The following AK5 variants were observed in gnomAD, a reference collection of about 807,000 sequenced individuals.
The protein encoded by AK5 is adenylate kinase isoenzyme 5.
In AK5, 27 loss-of-function variants were observed where a neutral mutation model predicts 69.5. The observed-to-expected ratio is 0.39, with a 90% CI of 0.29 to 0.54. The LOEUF (loss-of-function observed/expected upper bound fraction) is 0.54, where lower values mean the gene tolerates loss of function less well. Ranked by LOEUF, AK5 falls within the 20% of genes least tolerant of loss-of-function variation. AK5 has a pLI of 0.71. For synonymous variants in AK5, 260 were observed against 244.4 expected, an observed-to-expected ratio of 1.06 and a Z score of -0.60; for missense variants, 531 against 700.4, an observed-to-expected ratio of 0.76 and a Z score of 2.73.
intron 6 of AK5, among the ~76,000 whole-genome samples, chr1:77,378,875 T>C (rs1238643517): frequency 6.6e-6 from 1 of 152,150 alleles, no homozygotes; most frequent in Non-Finnish European, 1.5e-5. Flanking sequence ...GCCGTCAGTC[T>C]GAATAGAAAA....
intron 5 of AK5, among the ~76,000 whole-genome samples, chr1:77,339,960 T>C (rs1661566381): frequency 6.6e-6 from 1 of 152,062 alleles, no homozygotes; most frequent in Admixed American, 6.6e-5. Flanking sequence ...TGGCATACAG[T>C]AGATAATTTT....
In AK5 at chr1:77,293,977, C is replaced by G. The variant is rs746648587; in HGVS notation, c.415+17C>G. ...TTGTTATAGGTATGAGGACAGAAAG[C>G]AAAAATTCTCATACCGTTGCTGCCT... On this transcript the variant is annotated intron_variant, in intron 3 of 13. Coordinates refer to ENST00000354567, the MANE Select transcript of AK5 (RefSeq NM_174858.3). 5.6e-6 allele frequency: 9 copies of G among 1,596,240 alleles called. No individual in the cohort carries two copies. In the South Asian group the frequency reaches 1.0e-4, roughly 19 times the overall value.
chr1:77,423,095 C>T (rs1443175774), intron 8 of AK5, among the ~76,000 whole-genome samples: 1 of 151,898 alleles, frequency 6.6e-6, no homozygotes, highest in Non-Finnish European at 1.5e-5. Context: ...GTGGTGGGCA[C>T]CTGTAGTCCC....
At chr1:77,303,626 A>T (rs1670611) in intron 5 of AK5, among the ~76,000 whole-genome samples, 134,763 of 152,288 alleles carry the variant, frequency 0.88, 59,984 homozygotes, top group Middle Eastern at 0.97. Context: ...AAGTGAGAGT[A>T]AAAAAGGCAC....
chr1:77,545,600 A>AT (rs1049663528), intron 13 of AK5, among the ~76,000 whole-genome samples: 5 of 152,158 alleles, frequency 3.3e-5, no homozygotes, highest in South Asian at 2.1e-4. Flanking sequence ...GCAAAGGCTG[A>AT]TTTTTTTTAA....
intron 13 of AK5, 125 bp from the exon 14 acceptor site, chr1:77,558,477 T>TGA (rs1553164077): frequency 9.7e-6 from 5 of 513,232 alleles, no homozygotes; most frequent in South Asian, 7.7e-5. Context: ...CTCTGTGTTT[T>TGA]GGGGGGGGTC....
intron 8 of AK5, among the ~76,000 whole-genome samples, chr1:77,438,307 A>G (rs956085245): frequency 6.9e-5 from 10 of 144,272 alleles, no homozygotes; most frequent in African/African-American, 2.0e-4. Flanking sequence ...AAAAAAAAAA[A>G]AAAAAAAAAA....
chr1:77,391,390 A>AATATATATATATAT (rs35685699), intron 6 of AK5, among the ~76,000 whole-genome samples: 2 of 141,660 alleles, frequency 1.4e-5, no homozygotes, highest in Admixed American at 1.4e-4. Context: ...CAAAAAAAAA[A>AATATATATATATAT]ATATATATAT....
chr1:77,413,435 C>G (rs890025154), intron 7 of AK5, among the ~76,000 whole-genome samples: 12 of 152,256 alleles, frequency 7.9e-5, no homozygotes, highest in Middle Eastern at 3.4e-3. Context: ...CACCCTGTGA[C>G]CCACAGGTGT....
rs956168516 is a variant in AK5 at position 77,559,404 on chromosome 1, T to TCTC, written c.*735_*737dup. The TCTC allele has an allele frequency of 7.2e-5, 11 of 152,290 alleles. No individual in the cohort carries two copies. Among genetic ancestry groups the TCTC allele is most frequent in the South Asian group, 2.1e-4 (1 of 4,824 alleles). 9.4% of individuals were successfully genotyped at this position (152,290 alleles called of 1,614,324 possible). On this transcript the variant is annotated 3_prime_UTR_variant, in exon 14 of 14. Coordinates refer to ENST00000354567, the MANE Select transcript of AK5 (RefSeq NM_174858.3). ...AAATCTGATAAATTGTGTAACCTAG[T>TCTC]CTCTTCTCTACATGGTGATGCATTT...
rs181241231 is a variant in AK5, at chr1:77,519,946, G to T, written c.1311+1219G>T. On this transcript the variant is annotated intron_variant, in intron 11 of 13. Coordinates refer to ENST00000354567, the MANE Select transcript of AK5 (RefSeq NM_174858.3). ...TGGCAGGGCGCAGTGGCTCATGCCTGTAATCCCAGCACTTTGGGAGGCCGA... is the reference window on the plus strand; with the variant it reads ...TGGCAGGGCGCAGTGGCTCATGCCTTTAATCCCAGCACTTTGGGAGGCCGA... Among the ~76,000 whole-genome samples the T allele has an allele frequency of 1.5e-3, 227 of 152,316 alleles. 1 individual carries two copies. Among genetic ancestry groups the T allele is most frequent in the African/African-American group, 5.3e-3 (219 of 41,572 alleles).
chr1:77,330,247 T>C (rs923284338), intron 5 of AK5, among the ~76,000 whole-genome samples: 1 of 152,218 alleles, frequency 6.6e-6, no homozygotes, highest in Admixed American at 6.5e-5. Flanking sequence ...TAAAGCAATC[T>C]ATTTTATCAA....
chr1:77,372,695 G>A (rs529399877), intron 6 of AK5, among the ~76,000 whole-genome samples: 1 of 152,228 alleles, frequency 6.6e-6, no homozygotes, highest in South Asian at 2.1e-4. Context: ...AAGAGACTGG[G>A]AAGTCTTGTA....
chr1:77,500,763 C>T (rs1365306471), intron 10 of AK5, among the ~76,000 whole-genome samples: 1 of 152,158 alleles, frequency 6.6e-6, no homozygotes, highest in African/African-American at 2.4e-5. Context: ...GCCTGGGCAA[C>T]AGAGCGAGAC....
chr1:77,364,301 A>C (rs551970255), intron 6 of AK5, among the ~76,000 whole-genome samples: 1 of 152,312 alleles, frequency 6.6e-6, no homozygotes, highest in Non-Finnish European at 1.5e-5. Context: ...ATTTCAGTAC[A>C]TGTAAGGTGC....
rs574080973 is a variant in AK5 at position 77,335,782 on chromosome 1, C to T, written c.700-4595C>T. On this transcript the variant is annotated intron_variant, in intron 5 of 13. Transcript: ENST00000354567. ...TTTTGTATTTTAATCTTTTTTACTC[C>T]CAGTCATATGTTATTTATCTATTTA... 1.9e-4 allele frequency among the ~76,000 whole-genome samples: 29 copies of T among 152,094 alleles called. No homozygotes were observed. In the South Asian group the frequency reaches 5.2e-3, roughly 27 times the overall value.
chr1:77,395,179 G>A (rs1017766596), intron 6 of AK5, among the ~76,000 whole-genome samples: 1 of 152,116 alleles, frequency 6.6e-6, no homozygotes, highest in East Asian at 1.9e-4. Flanking sequence ...CCTGCAAAAT[G>A]TGATAAACTT....
intron 10 of AK5, among the ~76,000 whole-genome samples, chr1:77,495,566 A>G (rs1457595656): frequency 2.6e-5 from 4 of 152,230 alleles, no homozygotes; most frequent in African/African-American, 9.6e-5. Flanking sequence ...ACCATCACTG[A>G]AAGTACAGTG....
At position 77,536,033 on chromosome 1, in the gene AK5, C is replaced by T. The variant is rs1286991790; in HGVS notation, c.1615C>T (p.His539Tyr). The change falls in exon 13 of 14, where the codon CAC becomes TAC. Residue 539 changes from histidine to tyrosine, a missense_variant. Transcript: ENST00000354567. ...IAYYETKTQL[H>Y]KINAEGTPED... ...CTACTACGAGACAAAAACACAGCTA[C>T]ACAAGGCGAGTCACTTCACTTTCTC... The T allele has an allele frequency of 1.2e-6, 2 of 1,610,676 alleles. No homozygotes were observed. Among genetic ancestry groups the T allele is most frequent in the South Asian group, 1.1e-5 (1 of 90,902 alleles).
Sources: allele counts gnomAD v4.1 joint callset (sites outside exome capture counted in the v4.1 genomes callset), GRCh38; gene constraint gnomAD v4.1.1; transcripts MANE v1.5; gene names NCBI Gene and HGNC (gene_info 2026-07-23, HGNC 2026-07-21).